The following NRG2 variants were observed in gnomAD, a reference collection of about 807,000 sequenced individuals.
NRG2 encodes the protein neuregulin 2.
A neutral mutation model predicts 73.9 loss-of-function variants in NRG2; 27 were observed. That is an observed-to-expected ratio of 0.37 (90% confidence interval 0.27 to 0.50). The LOEUF is 0.50. Ranked by LOEUF, NRG2 falls within the 20% of genes least tolerant of loss-of-function variation. NRG2 has a pLI of 0.96. For synonymous variants in NRG2, 532 were observed against 541.0 expected (o/e 0.98, Z 0.23); for missense variants, 1,126 against 1,210.1 (o/e 0.93, Z 1.03).
intron 3 of NRG2, among the ~76,000 whole-genome samples, chr5:139,878,612 T>C (rs944289959): frequency 2.0e-5 from 3 of 152,244 alleles, no homozygotes; most frequent in Admixed American, 2.0e-4. Flanking sequence ...GTTCCACCTC[T>C]GAACTTACCA....
At chr5:140,041,880 A>G (rs1761950692) in intron 1 of NRG2, among the ~76,000 whole-genome samples, 1 of 152,010 alleles carries the variant, frequency 6.6e-6, no homozygotes, top group Non-Finnish European at 1.5e-5. Flanking sequence ...GGGGGCGACC[A>G]TTCCCTAGGA....
chr5:139,867,806 G>A (rs1379933870), intron 4 of NRG2, among the ~76,000 whole-genome samples: 101 of 131,908 alleles, frequency 7.7e-4, no homozygotes, highest in East Asian at 2.9e-3. Flanking sequence ...GTATGAGTGT[G>A]TGTGTGTGTG....
intron 3 of NRG2, among the ~76,000 whole-genome samples, chr5:139,880,376 C>T (rs1365620670): frequency 6.6e-6 from 1 of 152,070 alleles, no homozygotes; most frequent in Admixed American, 6.6e-5. Flanking sequence ...AGGAGTTTGC[C>T]CTCCCTGAAC....
At chr5:139,985,803 G>A (rs938560724) in intron 1 of NRG2, among the ~76,000 whole-genome samples, 4 of 152,002 alleles carry the variant, frequency 2.6e-5, no homozygotes, top group African/African-American at 7.3e-5. Context: ...TACACCTTTC[G>A]CTTCATTGAG....
intron 1 of NRG2, among the ~76,000 whole-genome samples, chr5:139,925,785 A>G (rs1007292152): frequency 6.6e-6 from 1 of 152,156 alleles, no homozygotes. Flanking sequence ...GGACCCCTGC[A>G]GGGATGGGGA....
In NRG2 at chr5:139,881,810, C is replaced by T. The variant is rs1581850608; in HGVS notation, c.873-836G>A. Among the ~76,000 whole-genome samples the T allele has an allele frequency of 2.6e-5, 4 of 152,226 alleles. No individual in the cohort carries two copies. The East Asian group carries it at 5.8e-4, about 22-fold the overall frequency. On this transcript the variant is annotated intron_variant, in intron 2 of 9. Coordinates refer to ENST00000361474, the MANE Select transcript of NRG2 (RefSeq NM_004883.3). ...TAGCCCTGAAGCTTTGCACCTAGTC[C>T]CTGCATGCTGAGAACTGTGTAGGGC...
At chr5:139,855,620 C>G (rs1277661450) in intron 6 of NRG2, 56 bp downstream of exon 6, 2 of 1,424,206 alleles carry the variant, frequency 1.4e-6, no homozygotes, top group Admixed American at 1.7e-5. Flanking sequence ...CACACACATT[C>G]TTGGAGGCCC....
intron 1 of NRG2, among the ~76,000 whole-genome samples, chr5:139,989,096 T>C (rs1015941194): frequency 2.6e-5 from 4 of 152,058 alleles, no homozygotes; most frequent in Non-Finnish European, 5.9e-5. Flanking sequence ...ACAACTTAGA[T>C]GTACCATAAG....
At chr5:139,948,644 T>G (rs1196238463) in intron 1 of NRG2, among the ~76,000 whole-genome samples, 2 of 152,354 alleles carry the variant, frequency 1.3e-5, no homozygotes, top group Admixed American at 1.3e-4. Flanking sequence ...GACTTTATCT[T>G]GAGTGCTATG....
chr5:139,888,257 G>C (rs1004680583), intron 1 of NRG2, among the ~76,000 whole-genome samples: 3 of 152,152 alleles, frequency 2.0e-5, no homozygotes, highest in African/African-American at 7.2e-5. Flanking sequence ...CCTTCATGCA[G>C]GCTCTCGTTT....
rs1322848074 is a variant in NRG2, at chr5:139,851,751, A to G, written c.1625T>C (p.Val542Ala). Residue 542 changes from valine (V) to alanine (A), a missense_variant, in exon 9 of 10, where the codon GTG becomes GCG. Physicochemically the swap from Val to Ala is moderately conservative, Grantham distance 64. Around this residue, in one of 3 missense-constraint regions of NRG2, gnomAD observed 539 missense variants for 703.2 expected, o/e 0.77. Transcript: ENST00000361474. The surrounding 1 kb of genome is among the most constrained non-coding windows in gnomAD (Gnocchi z 4.2). ...TGGGCTGTTGCATTTGCTGGTACCC[A>G]CTGATGATAGCATGATCCCCGACTG... The part of the protein sequence containing the change: ...DSQSGIMLSS[V>A]GTSKCNSPAC... 6.2e-7 allele frequency: 1 copy of G among 1,614,094 alleles called. No homozygotes were observed. The highest frequency in any genetic ancestry group is 1.7e-5 in the Admixed American group (1 of 60,012).
At position 139,853,471 on chromosome 5, in the gene NRG2, G is replaced by A. The variant is rs1761606524; in HGVS notation, c.1293-444C>T. Reference sequence around the variant, plus strand: ...ACTATGTGCCAGACACTGTTTTGGAGCAGAGACAATAGATAGGTAGATAGG... The same window carrying A: ...ACTATGTGCCAGACACTGTTTTGGAACAGAGACAATAGATAGGTAGATAGG... On this transcript the variant is annotated intron_variant, in intron 6 of 9. Coordinates refer to ENST00000361474, the MANE Select transcript of NRG2 (RefSeq NM_004883.3). This position sits in a 1 kb window ranked among gnomAD's most constrained non-coding sequence, Gnocchi z 4.1. Among the ~76,000 whole-genome samples, 1 of 152,184 alleles carries A rather than the reference G, an allele frequency of 6.6e-6. No homozygotes were observed. Among genetic ancestry groups the A allele is most frequent in the Non-Finnish European group, 1.5e-5 (1 of 68,042 alleles).
Position 140,043,146 on chromosome 5 carries a change from C to T in NRG2, c.-77G>A. ...GGGGAAACAGAGCCCGCTGGAAAACCGGAAACAGCGTAACGTTAGCGCCTC... is the reference window on the plus strand; with the variant it reads ...GGGGAAACAGAGCCCGCTGGAAAACTGGAAACAGCGTAACGTTAGCGCCTC... On this transcript the variant is annotated 5_prime_UTR_variant, in exon 1 of 10. Transcript: ENST00000361474. This position sits in a 1 kb window ranked among gnomAD's most constrained non-coding sequence, Gnocchi z 6.7. 1 of 1,507,346 alleles carries T rather than the reference C, an allele frequency of 6.6e-7. No individual in the cohort carries two copies. Among genetic ancestry groups the T allele is most frequent in the Non-Finnish European group, 8.9e-7 (1 of 1,124,438 alleles). The allele number at this position is 1,507,346 out of a possible 1,614,324, so 93.4% of individuals were successfully genotyped here. A position where few individuals can be genotyped will look rare whatever the true frequency, so the allele number is the denominator to read the frequency against.
rs550130804 is a variant in NRG2 at position 139,959,243 on chromosome 5, A to G, written c.701-71732T>C. On this transcript the variant is annotated intron_variant, in intron 1 of 9. Coordinates refer to ENST00000361474, the MANE Select transcript of NRG2 (RefSeq NM_004883.3). The stretch of plus-strand genomic sequence containing the variant: ...GATACGGAGTCTTGCTCTGTCGCCC[A>G]GGCTGGAGTGCAATGGCACGATCTC... Among the ~76,000 whole-genome samples, 150 of 152,306 alleles carry G rather than the reference A, an allele frequency of 9.8e-4. 1 individual carries two copies. The highest frequency in any genetic ancestry group is 3.3e-3 in the Admixed American group (51 of 15,292).
At chr5:139,918,988 CA>C (rs1266036851) in intron 1 of NRG2, among the ~76,000 whole-genome samples, 1 of 152,146 alleles carries the variant, frequency 6.6e-6, no homozygotes, top group African/African-American at 2.4e-5. Context: ...GGTGAGTCAA[CA>C]AGTAGCAAAC....
At chr5:139,896,993 A>G (rs1764587043) in intron 1 of NRG2, among the ~76,000 whole-genome samples, 2 of 152,084 alleles carry the variant, frequency 1.3e-5, no homozygotes, top group South Asian at 2.1e-4. Flanking sequence ...GCCTCTCTAC[A>G]TTCCCCTACC....
chr5:140,042,564 A>C lies in NRG2; in HGVS notation c.506T>G (p.Leu169Arg). Residue 169 changes from leucine (L) to arginine (R), a missense_variant, in exon 1 of 10, where the codon CTC (leucine) becomes CGC (arginine). This residue lies in a region of NRG2 where 539 missense variants were observed against 703.2 expected (regional missense o/e 0.77). Transcript: ENST00000361474. ...ALVKVLDKWP[L>R]RSGGLQREQV... Reference sequence around the variant, plus strand: ...CTCGCGCTGCAGCCCCCCGCTCCGGAGCGGCCACTTGTCCAGCACCTTTAC... The same window carrying C: ...CTCGCGCTGCAGCCCCCCGCTCCGGCGCGGCCACTTGTCCAGCACCTTTAC... The C allele has an allele frequency of 6.2e-7, 1 of 1,611,220 alleles. No homozygotes were observed. The highest frequency in any genetic ancestry group is 8.5e-7 in the Non-Finnish European group (1 of 1,178,638).
intron 1 of NRG2, among the ~76,000 whole-genome samples, chr5:140,037,121 G>A (rs1166043147): frequency 6.6e-6 from 1 of 152,188 alleles, no homozygotes. Context: ...ACTCTTCATT[G>A]ACAACTGCGG....
chr5:139,865,496 C>T lies in NRG2; in HGVS notation c.1189+53G>A. Reference sequence around the variant, plus strand: ...CCTATGCCCTACATTGGGGGGACTGCACCCAGAAGCTTTCTAAGGAGCAGG... The same window carrying T: ...CCTATGCCCTACATTGGGGGGACTGTACCCAGAAGCTTTCTAAGGAGCAGG... On this transcript the variant is annotated intron_variant, in intron 5 of 9. Coordinates refer to ENST00000361474, the MANE Select transcript of NRG2 (RefSeq NM_004883.3). This position sits in a 1 kb window ranked among gnomAD's most constrained non-coding sequence, Gnocchi z 5.2. 1.4e-6 allele frequency: 2 copies of T among 1,423,914 alleles called. No individual in the cohort carries two copies. The highest frequency in any genetic ancestry group is 2.3e-5 in the East Asian group (1 of 44,034). The allele number at this position is 1,423,914 out of a possible 1,614,324, so 88.2% of individuals were successfully genotyped here.
Sources: allele counts gnomAD v4.1 joint callset (sites outside exome capture counted in the v4.1 genomes callset), GRCh38; gene constraint gnomAD v4.1.1; regional missense constraint gnomAD v4.1.1; non-coding constraint Gnocchi (gnomAD v3.1); transcripts MANE v1.5; gene names NCBI Gene and HGNC (gene_info 2026-07-23, HGNC 2026-07-21).